The following YPEL2 variants were observed in gnomAD, a reference collection of about 807,000 sequenced individuals.
The protein encoded by YPEL2 is yippee like 2.
In YPEL2, 2 loss-of-function variants were observed where a neutral mutation model predicts 19.1. The ratio of observed to expected loss-of-function variants is 0.10; its 90% CI spans 0.04 to 0.33. The LOEUF is 0.33. Among genes scored for constraint, YPEL2 ranks in the 10% least tolerant of loss-of-function variants. YPEL2 has a pLI of 1.00. For missense variants in YPEL2, 66 were observed against 140.7 expected (o/e 0.47, Z 2.68); for synonymous variants, 52 against 50.0 (o/e 1.04, Z -0.17).
In YPEL2 at chr17:59,353,916, T is replaced by G; in HGVS notation, c.117+390T>G. On this transcript the variant is annotated intron_variant, in intron 2 of 4. Transcript: ENST00000312655. This position sits in a 1 kb window ranked among gnomAD's most constrained non-coding sequence, Gnocchi z 4.8. Reference sequence around the variant, plus strand: ...CAGGGGAATGTCTTGTAAGAGGGGTTCCTTAGCAAGATGAGAGAGCCACCA... The same window carrying G: ...CAGGGGAATGTCTTGTAAGAGGGGTGCCTTAGCAAGATGAGAGAGCCACCA... 1 of 300,896 alleles carries G rather than the reference T, an allele frequency of 3.3e-6. No homozygotes were observed. The highest frequency in any genetic ancestry group is 3.0e-5 in the South Asian group (1 of 33,456). The allele number at this position is 300,896 out of a possible 1,614,324, so 18.6% of individuals were successfully genotyped here.
intron 2 of YPEL2, among the ~76,000 whole-genome samples, chr17:59,368,144 C>T (rs1046692590): frequency 2.0e-5 from 3 of 152,084 alleles, no homozygotes; most frequent in Non-Finnish European, 2.9e-5. Context: ...AGTACAGAGG[C>T]ATGATCACAA....
At chr17:59,387,258 A>T (rs7221904) in intron 2 of YPEL2, among the ~76,000 whole-genome samples, 4 of 73,036 alleles carry the variant, frequency 5.5e-5, no homozygotes, top group Non-Finnish European at 9.9e-5. Context: ...GACTCCATCT[A>T]AAAAAAAAAA....
At chr17:59,345,723 G>A (rs921129495) in intron 1 of YPEL2, among the ~76,000 whole-genome samples, 2 of 152,144 alleles carry the variant, frequency 1.3e-5, no homozygotes, top group African/African-American at 2.4e-5. Context: ...TTTTGGTCTT[G>A]TGAATAGGAA....
At chr17:59,381,965 A>G (rs1042645448) in intron 2 of YPEL2, among the ~76,000 whole-genome samples, 1 of 152,138 alleles carries the variant, frequency 6.6e-6, no homozygotes, top group Non-Finnish European at 1.5e-5. Flanking sequence ...AGGCCGTGCC[A>G]GGTTGTGCCA....
intron 1 of YPEL2, among the ~76,000 whole-genome samples, chr17:59,351,387 GA>G: frequency 6.6e-6 from 1 of 151,950 alleles, no homozygotes; most frequent in Non-Finnish European, 1.5e-5. Context: ...AAAAAAGAAA[GA>G]AAAAGAAAGG....
Position 59,370,264 on chromosome 17 carries a change from T to C in YPEL2, c.117+16738T>C, listed in dbSNP as rs999614414. On this transcript the variant is annotated intron_variant, in intron 2 of 4. Coordinates refer to ENST00000312655, the MANE Select transcript of YPEL2 (RefSeq NM_001005404.4). ...TTTTTTAGTAGAGACGGGGTTTCACTGTGTTAGCCAGGATGGTCTTGATCT... is the reference window on the plus strand; with the variant it reads ...TTTTTTAGTAGAGACGGGGTTTCACCGTGTTAGCCAGGATGGTCTTGATCT... Among the ~76,000 whole-genome samples, 7 of 152,098 alleles carry C rather than the reference T, an allele frequency of 4.6e-5. No individual in the cohort carries two copies. In the South Asian group the frequency reaches 8.3e-4, roughly 18 times the overall value.
chr17:59,343,764 AC>A (rs936486837), intron 1 of YPEL2, among the ~76,000 whole-genome samples: 1 of 152,168 alleles, frequency 6.6e-6, no homozygotes, highest in African/African-American at 2.4e-5. Context: ...CTTGTAAGCT[AC>A]TAGGAAACCA....
At chr17:59,388,192 G>T in intron 2 of YPEL2, 135 bp from the exon 3 acceptor site, 1 of 833,582 alleles carries the variant, frequency 1.2e-6, no homozygotes. Flanking sequence ...CTGCCAGCGG[G>T]ACCGTTAACT....
Position 59,353,569 on chromosome 17 carries a change from G to C in YPEL2, c.117+43G>C. 1 of 1,428,742 alleles carries C rather than the reference G, an allele frequency of 7.0e-7. No homozygotes were observed. Among genetic ancestry groups the C allele is most frequent in the South Asian group, 1.1e-5 (1 of 87,444 alleles). The allele number at this position is 1,428,742 out of a possible 1,614,324, so 88.5% of individuals were successfully genotyped here. On this transcript the variant is annotated intron_variant, in intron 2 of 4. Coordinates refer to ENST00000312655, the MANE Select transcript of YPEL2 (RefSeq NM_001005404.4). The surrounding 1 kb of genome is among the most constrained non-coding windows in gnomAD (Gnocchi z 4.8). ...GCCTTCCTTGCCTACCCCGGGGAGGGCGCTTAGTGCTCCTGAAGTTGCAGA... is the reference window on the plus strand; with the variant it reads ...GCCTTCCTTGCCTACCCCGGGGAGGCCGCTTAGTGCTCCTGAAGTTGCAGA...
At position 59,398,007 on chromosome 17, in the gene YPEL2, C is replaced by G. The variant is rs1050674707; in HGVS notation, c.*817C>G. The G allele has an allele frequency of 1.3e-5, 2 of 152,214 alleles. No individual in the cohort carries two copies. Among genetic ancestry groups the G allele is most frequent in the Non-Finnish European group, 2.9e-5 (2 of 68,094 alleles). 9.4% of individuals were successfully genotyped at this position (152,214 alleles called of 1,614,324 possible). A position where few individuals can be genotyped will look rare whatever the true frequency, so the allele number is the denominator to read the frequency against. On this transcript the variant is annotated 3_prime_UTR_variant, in exon 5 of 5. Transcript: ENST00000312655. ...TGCAATGGGCTTACCATCCAAATAT[C>G]CCAAAGGCTTTGACCAGCAACCAAG...
At chr17:59,352,697 G>A (rs1168932184) in intron 1 of YPEL2, among the ~76,000 whole-genome samples, 1 of 152,212 alleles carries the variant, frequency 6.6e-6, no homozygotes, top group Admixed American at 6.5e-5. Flanking sequence ...AATCTCTAAA[G>A]CAAAGGCTGG....
chr17:59,347,182 T>C (rs1351585170), intron 1 of YPEL2, among the ~76,000 whole-genome samples: 2 of 152,226 alleles, frequency 1.3e-5, no homozygotes, highest in East Asian at 1.9e-4. Context: ...GAAGTAGATA[T>C]TATTGTCTCT....
chr17:59,387,257 TA>T (rs373789547), intron 2 of YPEL2, among the ~76,000 whole-genome samples: 6,332 of 77,476 alleles, frequency 0.082, 558 homozygotes, highest in African/African-American at 0.22. Context: ...AGACTCCATC[TA>T]AAAAAAAAAA....
rs2048053490 is a variant in YPEL2 at position 59,398,574 on chromosome 17, A to AG, written c.*1386dup. ...GGGAAGTGGAGAGCACATCCCTGTA[A>AG]GGCCCATAAGAGAAAGAGGAGTTTG... On this transcript the variant is annotated 3_prime_UTR_variant, in exon 5 of 5. Transcript: ENST00000312655. 1 of 152,196 alleles carries AG rather than the reference A, an allele frequency of 6.6e-6. No individual in the cohort carries two copies. Among genetic ancestry groups the AG allele is most frequent in the South Asian group, 2.1e-4 (1 of 4,824 alleles). The allele number at this position is 152,196 out of a possible 1,614,324, so 9.4% of individuals were successfully genotyped here. A position where few individuals can be genotyped will look rare whatever the true frequency, so the allele number is the denominator to read the frequency against.
intron 2 of YPEL2, among the ~76,000 whole-genome samples, chr17:59,371,429 C>T (rs1009145591): frequency 6.6e-6 from 1 of 152,196 alleles, no homozygotes; most frequent in Admixed American, 6.5e-5. Context: ...GGGGCACAAT[C>T]GTACATATGC....
At chr17:59,392,517 T>G (rs903460917) in intron 4 of YPEL2, among the ~76,000 whole-genome samples, 12 of 147,294 alleles carry the variant, frequency 8.1e-5, no homozygotes, top group Non-Finnish European at 1.5e-4. Context: ...GTTTTTTTTT[T>G]TTTTTTTTTT....
chr17:59,391,774 C>A (rs908042808), intron 4 of YPEL2, among the ~76,000 whole-genome samples: 5 of 152,100 alleles, frequency 3.3e-5, no homozygotes, highest in African/African-American at 1.2e-4. Context: ...GTGGCAGATG[C>A]CTGTAATCCC....
At chr17:59,349,482 GACT>G (rs2047776351) in intron 1 of YPEL2, among the ~76,000 whole-genome samples, 1 of 151,092 alleles carries the variant, frequency 6.6e-6, no homozygotes, top group African/African-American at 2.4e-5. Context: ...CTACAGCTGG[GACT>G]ACGGGCGTGC....
At chr17:59,385,258 A>T (rs1423418930) in intron 2 of YPEL2, among the ~76,000 whole-genome samples, 1 of 152,246 alleles carries the variant, frequency 6.6e-6, no homozygotes, top group Non-Finnish European at 1.5e-5. Context: ...CTGTAAAAGA[A>T]AATACATTTC....
Sources: gnomAD v4.1 joint callset for allele counts (sites outside exome capture counted in the v4.1 genomes callset) on GRCh38, gnomAD v4.1.1 for gene constraint, Gnocchi (gnomAD v3.1) non-coding constraint, MANE v1.5 for transcripts, NCBI Gene and HGNC (gene_info 2026-07-23, HGNC 2026-07-21) for gene names.